Variants in ZC3H12C observed in about 807,000 individuals in gnomAD.
ZC3H12C encodes probable ribonuclease ZC3H12C.
In ZC3H12C, 20 loss-of-function variants were observed where a neutral mutation model predicts 76.3. The observed-to-expected ratio is 0.26, with a 90% CI of 0.18 to 0.38. The LOEUF (loss-of-function observed/expected upper bound fraction) is 0.38, where lower values mean the gene tolerates loss of function less well. Ranked by LOEUF, ZC3H12C falls within the 10% of genes least tolerant of loss-of-function variation. ZC3H12C has a pLI of 1.00. For missense variants in ZC3H12C, 874 were observed against 1,086.5 expected (o/e 0.80, Z 2.75); for synonymous variants, 352 against 399.6 (o/e 0.88, Z 1.42).
At chr11:110,116,796 A>G (rs913184079) in intron 1 of ZC3H12C, among the ~76,000 whole-genome samples, 2 of 152,166 alleles carry the variant, frequency 1.3e-5, no homozygotes, top group Non-Finnish European at 2.9e-5. Context: ...TCTCCATTTT[A>G]TATTTGAGGA....
chr11:110,128,760 CTCAA>C (rs1861803233), intron 1 of ZC3H12C, among the ~76,000 whole-genome samples: 2 of 151,976 alleles, frequency 1.3e-5, no homozygotes, highest in South Asian at 2.1e-4. Context: ...ATTTATCCTA[CTCAA>C]TCAATCTCAG....
chr11:110,111,082 T>C (rs896042744), intron 1 of ZC3H12C, among the ~76,000 whole-genome samples: 18 of 152,152 alleles, frequency 1.2e-4, no homozygotes, highest in Non-Finnish European at 8.8e-5. Context: ...TGAGTGAAGA[T>C]GTGGCAGGTG....
intron 3 of ZC3H12C, among the ~76,000 whole-genome samples, chr11:110,155,476 C>T (rs1001634112): frequency 6.6e-6 from 1 of 150,830 alleles, no homozygotes; most frequent in African/African-American, 2.4e-5. Context: ...AGAAAATAAG[C>T]AGAAGTACAG....
At chr11:110,110,727 A>G (rs929329856) in intron 1 of ZC3H12C, among the ~76,000 whole-genome samples, 1 of 151,874 alleles carries the variant, frequency 6.6e-6, no homozygotes, top group Non-Finnish European at 1.5e-5. Flanking sequence ...GAGTACATTG[A>G]GAGAGCCTCT....
At chr11:110,113,471 T>G (rs749755927) in intron 1 of ZC3H12C, among the ~76,000 whole-genome samples, 67 of 152,368 alleles carry the variant, frequency 4.4e-4, no homozygotes, top group Middle Eastern at 3.4e-3. Context: ...TATTTTACTG[T>G]ACCACAATTT....
At chr11:110,157,086 G>A (rs764477040) in intron 3 of ZC3H12C, among the ~76,000 whole-genome samples, 2 of 151,272 alleles carry the variant, frequency 1.3e-5, no homozygotes, top group Non-Finnish European at 2.9e-5. Flanking sequence ...GGCTGAGGCA[G>A]AAGAATTGCT....
chr11:110,154,555 A>G (rs597507), intron 3 of ZC3H12C, among the ~76,000 whole-genome samples: 104,555 of 151,826 alleles, frequency 0.69, 36,810 homozygotes, highest in South Asian at 0.79. Context: ...TTTGGGAAAA[A>G]TGTACTTGTT....
At position 110,165,783 on chromosome 11, in the gene ZC3H12C, A is replaced by G. The variant is rs1377983000; in HGVS notation, c.*46A>G. On this transcript the variant is annotated 3_prime_UTR_variant, in exon 6 of 6. Coordinates refer to ENST00000278590, the MANE Select transcript of ZC3H12C (RefSeq NM_033390.2). ...TGTTTAGTAGTTTTTTGTTCAGCTC[A>G]AATGCTGAGGGAGGTTTGCTACAAT... is the stretch of plus-strand genomic sequence containing the variant. The G allele has an allele frequency of 6.0e-6, 9 of 1,504,518 alleles. No individual in the cohort carries two copies. The highest frequency in any genetic ancestry group is 8.0e-6 in the Non-Finnish European group (9 of 1,121,444). 93.2% of individuals were successfully genotyped at this position (1,504,518 alleles called of 1,614,324 possible). A position where few individuals can be genotyped will look rare whatever the true frequency, so the allele number is the denominator to read the frequency against.
chr11:110,135,026 T>C (rs1413703203), intron 1 of ZC3H12C, among the ~76,000 whole-genome samples: 1 of 152,208 alleles, frequency 6.6e-6, no homozygotes, highest in Non-Finnish European at 1.5e-5. Context: ...TTAACATTTA[T>C]ATAATAGCTA....
chr11:110,135,490 C>CAAAAAAAAAA (rs60107794), intron 1 of ZC3H12C, among the ~76,000 whole-genome samples: 1 of 95,320 alleles, frequency 1.0e-5, no homozygotes, highest in Non-Finnish European at 1.9e-5. Flanking sequence ...ACTCCCGTCT[C>CAAAAAAAAAA]AAAAAAAAAA....
At chr11:110,114,228 T>G (rs1861485155) in intron 1 of ZC3H12C, among the ~76,000 whole-genome samples, 1 of 152,120 alleles carries the variant, frequency 6.6e-6, no homozygotes, top group African/African-American at 2.4e-5. Context: ...TGCCTCACCT[T>G]ACTCCCCCTC....
intron 1 of ZC3H12C, among the ~76,000 whole-genome samples, chr11:110,103,850 G>A (rs1029143116): frequency 3.3e-5 from 5 of 152,064 alleles, no homozygotes; most frequent in East Asian, 1.9e-4. Context: ...TGATCCGCCC[G>A]CCTTGGCCTC....
At chr11:110,147,803 C>G (rs1003741180) in intron 2 of ZC3H12C, among the ~76,000 whole-genome samples, 1 of 152,128 alleles carries the variant, frequency 6.6e-6, no homozygotes, top group Admixed American at 6.5e-5. Context: ...TTCTCAGACT[C>G]CTTGTTCCTT....
chr11:110,169,519 G>A lies in ZC3H12C; in HGVS notation c.*3782G>A, dbSNP rs141830213. ...AGACATACAGTTTTCTGGCCATTCT[G>A]TTGGTGTGTGGTGCACCCATTTTAT... On this transcript the variant is annotated 3_prime_UTR_variant, in exon 6 of 6. Coordinates refer to ENST00000278590, the MANE Select transcript of ZC3H12C (RefSeq NM_033390.2). 6.6e-6 allele frequency: 1 copy of A among 152,228 alleles called. No homozygotes were observed. The highest frequency in any genetic ancestry group is 2.4e-5 in the African/African-American group (1 of 41,540). 9.4% of individuals were successfully genotyped at this position (152,228 alleles called of 1,614,324 possible). A position where few individuals can be genotyped will look rare whatever the true frequency, so the allele number is the denominator to read the frequency against.
intron 1 of ZC3H12C, among the ~76,000 whole-genome samples, chr11:110,135,005 A>G (rs1490728548): frequency 2.0e-5 from 3 of 152,230 alleles, no homozygotes; most frequent in Non-Finnish European, 4.4e-5. Context: ...AAAATCACTT[A>G]GCATTTTCTT....
Position 110,159,459 on chromosome 11 carries a change from C to T in ZC3H12C, c.1117C>T (p.Arg373Ter). The stretch of plus-strand genomic sequence containing the variant: ...AGAATGGAAGAAGTTCATAGATGAA[C>T]GATTATTAATGTATTCATTTGTCAA... ...KPEWKKFIDE[R>*]LLMYSFVNDK... The change falls in exon 4 of 6, where the codon CGA (arginine) becomes TGA (stop). Residue 373 changes from arginine (R) to a stop codon, truncating the protein, a stop_gained. Transcript: ENST00000278590. LOFTEE classifies it high-confidence loss of function. 2.5e-6 allele frequency: 4 copies of T among 1,611,940 alleles called. No individual in the cohort carries two copies. Among genetic ancestry groups the T allele is most frequent in the East Asian group, 2.2e-5 (1 of 44,854 alleles).
intron 5 of ZC3H12C, 45 bp downstream of exon 5, chr11:110,163,424 T>C (rs757549274): frequency 4.8e-6 from 7 of 1,470,030 alleles, no homozygotes. Flanking sequence ...TAGAACACAA[T>C]ATATTATTAA....
At chr11:110,157,262 G>T (rs1862395220) in intron 3 of ZC3H12C, among the ~76,000 whole-genome samples, 1 of 151,664 alleles carries the variant, frequency 6.6e-6, no homozygotes, top group Non-Finnish European at 1.5e-5. Flanking sequence ...CTGAGAGCTT[G>T]CCAGGCACTG....
At chr11:110,097,229 G>A (rs1465484888) in intron 1 of ZC3H12C, among the ~76,000 whole-genome samples, 1 of 152,110 alleles carries the variant, frequency 6.6e-6, no homozygotes, top group Non-Finnish European at 1.5e-5. Flanking sequence ...TAATGTACAC[G>A]GTTTTACATT....
Sources: gnomAD v4.1 joint callset for allele counts (sites outside exome capture counted in the v4.1 genomes callset) on GRCh38, gnomAD v4.1.1 for gene constraint, MANE v1.5 for transcripts, NCBI Gene and HGNC (gene_info 2026-07-23, HGNC 2026-07-21) for gene names.